The following GATA2 variants were observed in gnomAD, a reference collection of about 807,000 sequenced individuals.
The protein encoded by GATA2 is endothelial transcription factor GATA-2.
GATA2 carries 6 observed loss-of-function variants against 35.7 expected under a neutral mutation model. That is an observed-to-expected ratio of 0.17 (90% CI 0.09 to 0.33). The LOEUF (loss-of-function observed/expected upper bound fraction) is 0.33, where lower values mean the gene tolerates loss of function less well. GATA2 is among the 10% of genes least tolerant of loss of function. The pLI, the probability that GATA2 is intolerant of heterozygous loss-of-function variation, is 1.00. For synonymous variants in GATA2, 313 were observed against 274.9 expected, an observed-to-expected ratio of 1.14 and a Z score of -1.37; for missense variants, 541 against 656.6, an observed-to-expected ratio of 0.82 and a Z score of 1.92.
rs760132552 is a variant in GATA2, at chr3:128,487,016, C to G, written c.16G>C (p.Glu6Gln). The change falls in exon 2 of 6, where the codon GAG becomes CAG. Residue 6 changes from glutamate to glutamine, a missense_variant. Around this residue, in one of 5 missense-constraint regions of GATA2, gnomAD observed 389 missense variants for 396.9 expected, o/e 0.98. Coordinates refer to ENST00000341105, the MANE Select transcript of GATA2 (RefSeq NM_032638.5). ...GGGTGCGCCATCCAGCGCGGCTGCT[C>G]GGGCGCCACCTCCATGGCCGGCGGC... Reference protein sequence around the residue: MEVAPEQPRWMAHPAV... With the variant: MEVAPQQPRWMAHPAV... 2.4e-5 allele frequency: 39 copies of G among 1,594,650 alleles called. No individual in the cohort carries two copies. The highest frequency in any genetic ancestry group is 1.9e-5 in the Non-Finnish European group (22 of 1,170,870).
At chr3:128,491,563 CA>C (rs2068767989) in intron 1 of GATA2, among the ~76,000 whole-genome samples, 1 of 152,196 alleles carries the variant, frequency 6.6e-6, no homozygotes, top group East Asian at 1.9e-4. Context: ...GGGGGGTTCC[CA>C]AGGGGGGGAC....
chr3:128,481,438 T>C, intron 5 of GATA2, 120 bp from the exon 6 acceptor site: 1 of 1,123,008 alleles, frequency 8.9e-7, no homozygotes, highest in Non-Finnish European at 1.3e-6. Context: ...CCAGGAATTG[T>C]GCCCGACCTT....
chr3:128,487,399 C>G (rs1185455848), intron 1 of GATA2, among the ~76,000 whole-genome samples: 1 of 152,160 alleles, frequency 6.6e-6, no homozygotes, highest in African/African-American at 2.4e-5. Flanking sequence ...CTGAGCCCCC[C>G]CGCCCGGTAG....
intron 3 of GATA2, 152 bp downstream of exon 3, chr3:128,485,575 G>A: frequency 5.1e-6 from 5 of 973,478 alleles, no homozygotes; most frequent in Non-Finnish European, 6.0e-6. Flanking sequence ...TGACCCGGGG[G>A]TCTCAAACAT....
At position 128,480,387 on chromosome 3, in the gene GATA2, G is replaced by A. The variant is rs1167557506; in HGVS notation, c.*632C>T. The A allele has an allele frequency of 4.3e-6, 1 of 233,642 alleles. No homozygotes were observed. The highest frequency in any genetic ancestry group is 8.4e-6 in the Non-Finnish European group (1 of 118,398). The allele number at this position is 233,642 out of a possible 1,614,324, so 14.5% of individuals were successfully genotyped here. ...CTTCCTGTGACCCAGCCCTGGCCTGGGAATCTGTGCAGGACCGCCCGTGAT... is the reference window on the plus strand; with the variant it reads ...CTTCCTGTGACCCAGCCCTGGCCTGAGAATCTGTGCAGGACCGCCCGTGAT... On this transcript the variant is annotated 3_prime_UTR_variant, in exon 6 of 6. Coordinates refer to ENST00000341105, the MANE Select transcript of GATA2 (RefSeq NM_032638.5).
intron 3 of GATA2, among the ~76,000 whole-genome samples, chr3:128,485,248 G>A (rs1235853680): frequency 1.3e-5 from 2 of 152,196 alleles, no homozygotes; most frequent in Non-Finnish European, 2.9e-5. Context: ...CAGACTGATT[G>A]AGTTAGAGAC....
intron 2 of GATA2, 110 bp downstream of exon 2, chr3:128,486,693 G>C (rs1224147635): frequency 8.7e-7 from 1 of 1,154,750 alleles, no homozygotes; most frequent in Non-Finnish European, 1.2e-6. Context: ...TTTTTCAGCA[G>C]CTCGATTCCT....
At position 128,480,203 on chromosome 3, in the gene GATA2, G is replaced by T; in HGVS notation, c.*816C>A. The T allele has an allele frequency of 4.3e-6, 1 of 233,300 alleles. No individual in the cohort carries two copies. The highest frequency in any genetic ancestry group is 8.5e-6 in the Non-Finnish European group (1 of 118,060). 14.5% of individuals were successfully genotyped at this position (233,300 alleles called of 1,614,324 possible). ...TTTGTCTCAGAGTAGGAGGCGAGGG[G>T]GTTGAAGGGTTAGCAGAAAAAGGAT... On this transcript the variant is annotated 3_prime_UTR_variant, in exon 6 of 6. Transcript: ENST00000341105.
chr3:128,486,858 G>C lies in GATA2; in HGVS notation c.174C>G (p.Pro58=), dbSNP rs112460453. 2.5e-6 allele frequency: 4 copies of C among 1,612,448 alleles called. No individual in the cohort carries two copies. The highest frequency in any genetic ancestry group is 2.7e-5 in the African/African-American group (2 of 75,062). ...FFNHLDSQGN[P]YYANPAHARA... ...GCGCGTGAGCGGGGTTGGCATAGTA[G>C]GGGTTGCCCTGCGAGTCGAGGTGAT... The change falls in exon 2 of 6, where the codon CCC becomes CCG. Residue 58 remains proline, a synonymous_variant. Coordinates refer to ENST00000341105, the MANE Select transcript of GATA2 (RefSeq NM_032638.5).
rs886057931 is a variant in GATA2, at chr3:128,485,874, T to C, written c.724A>G (p.Thr242Ala). 1.9e-6 allele frequency: 3 copies of C among 1,613,902 alleles called. No homozygotes were observed. The highest frequency in any genetic ancestry group is 1.7e-6 in the Non-Finnish European group (2 of 1,179,948). Residue 242 changes from threonine (T) to alanine (A), a missense_variant, in exon 3 of 6, where the codon ACA becomes GCA. Around this residue, in one of 5 missense-constraint regions of GATA2, gnomAD observed 389 missense variants for 396.9 expected, o/e 0.98. Transcript: ENST00000341105. The part of the protein sequence containing the change: ...GLATMGTQPA[T>A]HHPIPTYPSY... ...GGGTAGGTGGGGATGGGGTGGTGTGTAGCAGGCTGGGTGCCCATAGTAGCT... is the reference window on the plus strand; with the variant it reads ...GGGTAGGTGGGGATGGGGTGGTGTGCAGCAGGCTGGGTGCCCATAGTAGCT...
chr3:128,482,331 C>G (rs1475881338), intron 4 of GATA2, among the ~76,000 whole-genome samples: 1 of 152,142 alleles, frequency 6.6e-6, no homozygotes, highest in African/African-American at 2.4e-5. Flanking sequence ...GCCCCTGGAT[C>G]TGGGGCCGAT....
At chr3:128,491,818 C>A (rs542919082) in intron 1 of GATA2, among the ~76,000 whole-genome samples, 7 of 152,294 alleles carry the variant, frequency 4.6e-5, no homozygotes, top group Admixed American at 3.9e-4. Flanking sequence ...CGGAACCCTG[C>A]TGAGACCCGG....
chr3:128,483,790 T>C, intron 4 of GATA2, 70 bp downstream of exon 4: 1 of 1,606,746 alleles, frequency 6.2e-7, no homozygotes, highest in Non-Finnish European at 8.5e-7. Flanking sequence ...TGAAGGAGTT[T>C]TTTTCCCCTG....
intron 1 of GATA2, chr3:128,489,968 G>T (rs2107676097): frequency 6.6e-6 from 1 of 152,372 alleles, no homozygotes; most frequent in East Asian, 1.9e-4. Flanking sequence ...GCAGCTGGCC[G>T]CTGGGCTGTG....
At chr3:128,485,305 A>G (rs2068680369) in intron 3 of GATA2, among the ~76,000 whole-genome samples, 1 of 152,176 alleles carries the variant, frequency 6.6e-6, no homozygotes, top group South Asian at 2.1e-4. Context: ...TGAAACATGC[A>G]CACACAACAT....
At position 128,485,967 on chromosome 3, in the gene GATA2, C is replaced by T. The variant is rs1060500088; in HGVS notation, c.631G>A (p.Val211Ile). 1 of 1,614,200 alleles carries T rather than the reference C, an allele frequency of 6.2e-7. No individual in the cohort carries two copies. The highest frequency in any genetic ancestry group is 8.5e-7 in the Non-Finnish European group (1 of 1,180,036). The change falls in exon 3 of 6, where the codon GTC becomes ATC. Residue 211 changes from valine (V) to isoleucine (I), a missense_variant. By Grantham distance (29) the Val-to-Ile change is conservative (BLOSUM62 3). This residue lies in a region of GATA2 where 389 missense variants were observed against 396.9 expected (regional missense o/e 0.98). Transcript: ENST00000341105. ...TCCGTCAGTGACACCTGGTACTTGA[C>T]GCCGTCCTTGTCCTCTCCTCGGGCT... Reference protein sequence around the residue: ...SAARGEDKDGVKYQVSLTESM... With the variant: ...SAARGEDKDGIKYQVSLTESM...
Position 128,481,106 on chromosome 3 carries a change from G to T in GATA2, c.1356C>A (p.Ile452=). The change falls in exon 6 of 6, where the codon ATC becomes ATA. Residue 452 remains isoleucine (I), a synonymous_variant. Transcript: ENST00000341105. The stretch of plus-strand genomic sequence containing the variant: ...GGTGGATGGGCGTCGGAGTGGGCAG[G>T]ATGTGTCCGGAGTGGCTGAAGGGCG... ...HLPPFSHSGH[I]LPTPTPIHPS... is the part of the protein sequence containing the mutation. 1 of 1,613,990 alleles carries T rather than the reference G, an allele frequency of 6.2e-7. No individual in the cohort carries two copies. The highest frequency in any genetic ancestry group is 8.5e-7 in the Non-Finnish European group (1 of 1,179,894).
intron 3 of GATA2, 105 bp downstream of exon 3, chr3:128,485,622 C>G (rs1045879336): frequency 2.2e-6 from 3 of 1,388,314 alleles, no homozygotes; most frequent in African/African-American, 2.9e-5. Flanking sequence ...TCACCCATCC[C>G]CAGATCTGGG....
chr3:128,481,783 G>A (rs2068631973), intron 5 of GATA2, 36 bp downstream of exon 5: 4 of 1,603,596 alleles, frequency 2.5e-6, no homozygotes, highest in African/African-American at 1.3e-5. Context: ...GAGGTCCCCT[G>A]GGAGGGGCGG....
Sources: gnomAD v4.1 joint callset for allele counts (sites outside exome capture counted in the v4.1 genomes callset) on GRCh38, gnomAD v4.1.1 for gene constraint, gnomAD v4.1.1 regional missense constraint, MANE v1.5 for transcripts, NCBI Gene and HGNC (gene_info 2026-07-23, HGNC 2026-07-21) for gene names.